Variants in CAMSAP1 observed in about 807,000 individuals in gnomAD.
CAMSAP1 encodes the protein calmodulin-regulated spectrin-associated protein 1.
CAMSAP1 carries 58 observed loss-of-function variants against 143.5 expected under a neutral mutation model. The observed-to-expected ratio is 0.40, with a 90% CI of 0.33 to 0.50. CAMSAP1 has a LOEUF of 0.50. Among genes scored for constraint, CAMSAP1 ranks in the 20% least tolerant of loss-of-function variants. The pLI is 0.45. For synonymous variants in CAMSAP1, 945 were observed against 859.3 expected (o/e 1.10, Z -1.74); for missense variants, 1,969 against 2,115.7 (o/e 0.93, Z 1.36).
In CAMSAP1 at chr9:135,809,110, C is replaced by T. The variant is rs568355423; in HGVS notation, c.*2199G>A. 5 of 152,162 alleles carry T rather than the reference C, an allele frequency of 3.3e-5. No homozygotes were observed. The highest frequency in any genetic ancestry group is 4.8e-5 in the African/African-American group (2 of 41,418). The allele number at this position is 152,162 out of a possible 1,614,324, so 9.4% of individuals were successfully genotyped here. On this transcript the variant is annotated 3_prime_UTR_variant, in exon 17 of 17. Coordinates refer to ENST00000389532, the MANE Select transcript of CAMSAP1 (RefSeq NM_015447.4). ...CTGCAAAATCATGACTTTACCACCA[C>T]CCAAGCCAGAAAGGCCCAAAAGCAC...
chr9:135,871,016 C>T (rs533739678), intron 3 of CAMSAP1, among the ~76,000 whole-genome samples: 1 of 152,246 alleles, frequency 6.6e-6, no homozygotes, highest in African/African-American at 2.4e-5. Flanking sequence ...TGTGAAAATA[C>T]TATCCCCTCT....
intron 16 of CAMSAP1, among the ~76,000 whole-genome samples, chr9:135,814,189 G>A (rs918156550): frequency 1.3e-5 from 2 of 152,182 alleles, no homozygotes; most frequent in South Asian, 2.1e-4. Context: ...TGCCTAGGTC[G>A]GGGCCATTCT....
At chr9:135,876,485 G>A (rs1220942636) in intron 3 of CAMSAP1, among the ~76,000 whole-genome samples, 5 of 152,174 alleles carry the variant, frequency 3.3e-5, no homozygotes, top group Non-Finnish European at 2.9e-5. Flanking sequence ...ACATTAAAAC[G>A]ACAATGAGCG....
intron 3 of CAMSAP1, among the ~76,000 whole-genome samples, chr9:135,871,782 AAGTTATCTGAGGTCCAC>A (rs1245674019): frequency 1.3e-5 from 2 of 151,634 alleles, no homozygotes; most frequent in African/African-American, 4.9e-5. Flanking sequence ...AAAAAAAGGT[AAGTTATCTGAGGTCCAC>A]AGCAATTTAT....
chr9:135,873,613 GTA>G (rs1837638208), intron 3 of CAMSAP1, among the ~76,000 whole-genome samples: 1 of 151,968 alleles, frequency 6.6e-6, no homozygotes, highest in Admixed American at 6.6e-5. Context: ...CAGATCGCAG[GTA>G]TATTAAAAGG....
chr9:135,877,209 A>G (rs1837781867), intron 3 of CAMSAP1, among the ~76,000 whole-genome samples: 1 of 152,036 alleles, frequency 6.6e-6, no homozygotes, highest in African/African-American at 2.4e-5. Flanking sequence ...TCTCAGAAAC[A>G]CTTTGTTCAC....
In CAMSAP1 at chr9:135,840,637, C is replaced by T. The variant is rs539261176; in HGVS notation, c.1045+9500G>A. ...CTCCCAGCAAGATCAACACAGAAGG[C>T]GGGTGATTTCTACATTTCCTACTGA... is the stretch of plus-strand genomic sequence containing the variant. On this transcript the variant is annotated intron_variant, in intron 7 of 16. Coordinates refer to ENST00000389532, the MANE Select transcript of CAMSAP1 (RefSeq NM_015447.4). Among the ~76,000 whole-genome samples, 7 of 152,304 alleles carry T rather than the reference C, an allele frequency of 4.6e-5. No homozygotes were observed. In the South Asian group the frequency reaches 6.2e-4, roughly 14 times the overall value.
Position 135,882,842 on chromosome 9 carries a change from C to A in CAMSAP1, c.397G>T (p.Asp133Tyr), listed in dbSNP as rs781626434. 2 of 1,551,220 alleles carry A rather than the reference C, an allele frequency of 1.3e-6. No individual in the cohort carries two copies. Among genetic ancestry groups the A allele is most frequent in the Non-Finnish European group, 1.7e-6 (2 of 1,146,962 alleles). ...ATTTTTATGGGTGCGCGACTGAGGT[C>A]GGACTCTGTCACGGGGGTGTCATCA... ...ESDDTPVTES[D>Y]LSRAPIKMSA... Residue 133 changes from aspartate to tyrosine, a missense_variant, in exon 2 of 17, where the codon GAC (aspartate) becomes TAC (tyrosine). Physicochemically the swap from Asp to Tyr is radical, Grantham distance 160. This residue lies in a region of CAMSAP1 where 215 missense variants were observed against 196.2 expected (regional missense o/e 1.10). Coordinates refer to ENST00000389532, the MANE Select transcript of CAMSAP1 (RefSeq NM_015447.4). The surrounding 1 kb of genome is among the most constrained non-coding windows in gnomAD (Gnocchi z 4.9).
intron 7 of CAMSAP1, among the ~76,000 whole-genome samples, chr9:135,847,069 C>T (rs1051217374): frequency 6.6e-6 from 1 of 152,004 alleles, no homozygotes; most frequent in Non-Finnish European, 1.5e-5. Flanking sequence ...TACTATAGGC[C>T]GGGCACGGTG....
intron 7 of CAMSAP1, among the ~76,000 whole-genome samples, chr9:135,844,572 T>C (rs896520729): frequency 2.0e-5 from 3 of 151,636 alleles, no homozygotes; most frequent in Non-Finnish European, 4.4e-5. Flanking sequence ...AAATTCAAAA[T>C]GAATCCAGGA....
chr9:135,905,991 T>G (rs549333082), intron 1 of CAMSAP1, among the ~76,000 whole-genome samples: 1 of 152,262 alleles, frequency 6.6e-6, no homozygotes, highest in South Asian at 2.1e-4. Context: ...CTGAAAACTG[T>G]CAAAGGAAAA....
At chr9:135,898,911 C>T (rs1838534047) in intron 1 of CAMSAP1, among the ~76,000 whole-genome samples, 1 of 152,140 alleles carries the variant, frequency 6.6e-6, no homozygotes, top group Admixed American at 6.5e-5. Flanking sequence ...TTCACAGAAG[C>T]TCTATTCATA....
At chr9:135,829,858 A>C (rs1005903549) in intron 7 of CAMSAP1, among the ~76,000 whole-genome samples, 16 of 148,138 alleles carry the variant, frequency 1.1e-4, no homozygotes, top group Non-Finnish European at 2.4e-4. Context: ...GTCATAAATA[A>C]ATAAATAAAT....
intron 1 of CAMSAP1, among the ~76,000 whole-genome samples, chr9:135,887,950 A>C (rs1838178041): frequency 6.6e-6 from 1 of 152,174 alleles, no homozygotes; most frequent in African/African-American, 2.4e-5. Context: ...CGGGAGCCAC[A>C]CAGAAAGGCC....
intron 7 of CAMSAP1, among the ~76,000 whole-genome samples, chr9:135,847,788 G>A (rs184347799): frequency 0.011 from 1,054 of 97,732 alleles, 27 homozygotes; most frequent in African/African-American, 0.042. Flanking sequence ...ACCATGGCAC[G>A]TGTATACCTA....
chr9:135,828,918 C>T (rs560563239), intron 7 of CAMSAP1, among the ~76,000 whole-genome samples: 8 of 152,012 alleles, frequency 5.3e-5, no homozygotes, highest in East Asian at 3.9e-4. Context: ...GCTGAAAGGA[C>T]GGGAAAAAAC....
In CAMSAP1 at chr9:135,821,819, C is replaced by T. The variant is rs1002187321; in HGVS notation, c.2842G>A (p.Gly948Arg). The change falls in exon 11 of 17, where the codon GGG becomes AGG. Residue 948 changes from glycine (G) to arginine (R), a missense_variant. Physicochemically the swap from Gly to Arg is moderately radical, Grantham distance 125. This residue lies in a region of CAMSAP1 where 1,390 missense variants were observed against 1,420.8 expected (regional missense o/e 0.98). Transcript: ENST00000389532. The surrounding 1 kb of genome is among the most constrained non-coding windows in gnomAD (Gnocchi z 4.6). The part of the protein sequence containing the change: ...EYSQHNGEDC[G>R]DAVSKTEDFL... The stretch of plus-strand genomic sequence containing the variant: ...TCTTCGGTTTTGGAAACAGCGTCCC[C>T]ACAGTCCTCCCCGTTGTGCTGAGAG... 10 of 1,614,064 alleles carry T rather than the reference C, an allele frequency of 6.2e-6. No individual in the cohort carries two copies. The highest frequency in any genetic ancestry group is 8.5e-6 in the Non-Finnish European group (10 of 1,179,914).
intron 3 of CAMSAP1, among the ~76,000 whole-genome samples, chr9:135,870,280 T>C (rs954011097): frequency 1.3e-5 from 2 of 152,200 alleles, no homozygotes; most frequent in African/African-American, 2.4e-5. Flanking sequence ...GTGATGGTTT[T>C]ATAAGGCAGT....
intron 7 of CAMSAP1, among the ~76,000 whole-genome samples, chr9:135,842,645 T>C (rs1170508132): frequency 6.6e-6 from 1 of 152,232 alleles, no homozygotes; most frequent in African/African-American, 2.4e-5. Flanking sequence ...CAGATCTCTC[T>C]GCAGATACCC....
Sources: allele counts gnomAD v4.1 joint callset (sites outside exome capture counted in the v4.1 genomes callset), GRCh38; gene constraint gnomAD v4.1.1; regional missense constraint gnomAD v4.1.1; non-coding constraint Gnocchi (gnomAD v3.1); transcripts MANE v1.5; gene names NCBI Gene and HGNC (gene_info 2026-07-23, HGNC 2026-07-21).